ZC3H14: variants seen among roughly 807,000 people sequenced by gnomAD.
ZC3H14 encodes zinc finger CCCH domain-containing protein 14.
Under a neutral mutation model 92.4 loss-of-function variants are expected in ZC3H14, and 31 were observed. That is an observed-to-expected ratio of 0.34 (90% CI 0.25 to 0.45). The LOEUF is 0.45. ZC3H14 is among the 20% of genes least tolerant of loss of function. The probability of loss-of-function intolerance (pLI) is 1.00; values close to 1 mark genes in which losing one functional copy is unlikely to be tolerated. For missense variants in ZC3H14, 781 were observed against 897.3 expected (o/e 0.87, Z 1.66); for synonymous variants, 321 against 300.9 (o/e 1.07, Z -0.69).
At chr14:88,600,709 C>T (rs2084510206) in intron 10 of ZC3H14, among the ~76,000 whole-genome samples, 1 of 152,148 alleles carries the variant, frequency 6.6e-6, no homozygotes, top group Non-Finnish European at 1.5e-5. Flanking sequence ...GCCTTGGCCT[C>T]CCAGAATGTT....
intron 9 of ZC3H14, among the ~76,000 whole-genome samples, chr14:88,595,846 G>T (rs943027729): frequency 1.3e-5 from 2 of 152,198 alleles, no homozygotes; most frequent in African/African-American, 4.8e-5. Flanking sequence ...GGGCATCTTA[G>T]TAAGATTTCA....
Position 88,616,686 on chromosome 14 carries a change from TAGG to T in ZC3H14, c.*4938_*4940del. The T allele has an allele frequency of 6.4e-7, 1 of 1,564,052 alleles. No homozygotes were observed. ...AGTGCTGATGATAAGACATCAAAAT[TAGG>T]AGTAAACTGATAATAGTAAACAAAA... On this transcript the variant is annotated 3_prime_UTR_variant, in exon 17 of 17. Coordinates refer to ENST00000251038, the MANE Select transcript of ZC3H14 (RefSeq NM_024824.5).
chr14:88,597,584 A>C (rs1023832614), intron 10 of ZC3H14, among the ~76,000 whole-genome samples: 6 of 151,968 alleles, frequency 3.9e-5, no homozygotes, highest in African/African-American at 1.5e-4. Context: ...TTTCCTCCCT[A>C]AGGGTCAGCC....
chr14:88,620,115 T>G lies in ZC3H14; in HGVS notation c.*8364T>G, dbSNP rs1157970828. ...AGCTAAGGGAAGCCACTGTTACTAT[T>G]TTATATATTGAAGTTCTGAGGAAGG... is the stretch of plus-strand genomic sequence containing the variant. On this transcript the variant is annotated 3_prime_UTR_variant, in exon 17 of 17. Transcript: ENST00000251038. The surrounding 1 kb of genome is among the most constrained non-coding windows in gnomAD (Gnocchi z 4.3). The G allele has an allele frequency of 1.3e-5, 2 of 152,214 alleles. No individual in the cohort carries two copies. The highest frequency in any genetic ancestry group is 4.8e-5 in the African/African-American group (2 of 41,456). The allele number at this position is 152,214 out of a possible 1,614,324, so 9.4% of individuals were successfully genotyped here. A position where few individuals can be genotyped will look rare whatever the true frequency, so the allele number is the denominator to read the frequency against.
rs760967063 is a variant in ZC3H14 at position 88,616,918 on chromosome 14, T to G, written c.*5167T>G. The G allele has an allele frequency of 1.3e-6, 2 of 1,598,438 alleles. No individual in the cohort carries two copies. Among genetic ancestry groups the G allele is most frequent in the African/African-American group, 1.3e-5 (1 of 74,434 alleles). ...ACAAAAGAAAACTCATCATGGCAAG[T>G]GCGGGCAGGTTGACTATATTCAAAA... is the stretch of plus-strand genomic sequence containing the variant. On this transcript the variant is annotated 3_prime_UTR_variant, in exon 17 of 17. Coordinates refer to ENST00000251038, the MANE Select transcript of ZC3H14 (RefSeq NM_024824.5).
At chr14:88,603,362 A>G (rs1444461230) in intron 12 of ZC3H14, among the ~76,000 whole-genome samples, 2 of 152,156 alleles carry the variant, frequency 1.3e-5, no homozygotes, top group East Asian at 1.9e-4. Context: ...TTACCTTTGT[A>G]TTTTCTTCAG....
intron 9 of ZC3H14, chr14:88,594,945 A>C: frequency 6.2e-7 from 1 of 1,614,006 alleles, no homozygotes; most frequent in Non-Finnish European, 8.5e-7. Flanking sequence ...TAAATGTTAG[A>C]GTGTCCAAGA....
chr14:88,577,254 A>G (rs1475399810), intron 8 of ZC3H14, among the ~76,000 whole-genome samples: 2 of 152,172 alleles, frequency 1.3e-5, no homozygotes, highest in African/African-American at 4.8e-5. Flanking sequence ...TCATTTCCTG[A>G]TCTATCAGCA....
chr14:88,566,024 CCCCG>C (rs2079542006), intron 2 of ZC3H14, among the ~76,000 whole-genome samples: 1 of 14,000 alleles, frequency 7.1e-5, no homozygotes, highest in Non-Finnish European at 4.3e-4. Flanking sequence ...CCTGCCACCA[CCCCG>C]CCCCCCCCCC....
chr14:88,596,079 A>G (rs2083781193), intron 9 of ZC3H14, among the ~76,000 whole-genome samples: 1 of 152,234 alleles, frequency 6.6e-6, no homozygotes, highest in Non-Finnish European at 1.5e-5. Flanking sequence ...TGTTAGGAAT[A>G]GTGAACCTAA....
chr14:88,578,999 A>G (rs1446805044), intron 9 of ZC3H14, among the ~76,000 whole-genome samples: 1 of 151,998 alleles, frequency 6.6e-6, no homozygotes, highest in African/African-American at 2.4e-5. Flanking sequence ...ATGACTCTTC[A>G]GACCTTTTGT....
chr14:88,577,975 T>C lies in ZC3H14; in HGVS notation c.1124-10T>C, dbSNP rs377540593. ...TTTGTATTTCTATCTTTTTTGCTTTTATGTGAAAGTTCCACAGAAACAGAC... is the reference window on the plus strand; with the variant it reads ...TTTGTATTTCTATCTTTTTTGCTTTCATGTGAAAGTTCCACAGAAACAGAC... On this transcript the variant is annotated splice_polypyrimidine_tract_variant and intron_variant, in intron 8 of 16. Transcript: ENST00000251038. 20 of 1,613,998 alleles carry C rather than the reference T, an allele frequency of 1.2e-5. No individual in the cohort carries two copies. Among genetic ancestry groups the C allele is most frequent in the African/African-American group, 2.7e-5 (2 of 74,926 alleles).
At position 88,620,206 on chromosome 14, in the gene ZC3H14, A is replaced by G. The variant is rs1228036167; in HGVS notation, c.*8455A>G. 4 of 152,244 alleles carry G rather than the reference A, an allele frequency of 2.6e-5. No individual in the cohort carries two copies. The highest frequency in any genetic ancestry group is 5.9e-5 in the Non-Finnish European group (4 of 68,056). 9.4% of individuals were successfully genotyped at this position (152,244 alleles called of 1,614,324 possible). On this transcript the variant is annotated 3_prime_UTR_variant, in exon 17 of 17. Coordinates refer to ENST00000251038, the MANE Select transcript of ZC3H14 (RefSeq NM_024824.5). The surrounding 1 kb of genome is among the most constrained non-coding windows in gnomAD (Gnocchi z 4.3). Reference sequence around the variant, plus strand: ...GCTTTTGACAGACCTAGATTCAATAATCTTATCTACTGATCACACGGAAGT... The same window carrying G: ...GCTTTTGACAGACCTAGATTCAATAGTCTTATCTACTGATCACACGGAAGT...
rs1175992522 is a variant in ZC3H14, at chr14:88,603,024, A to G, written c.1711A>G (p.Arg571Gly). 1 of 1,614,196 alleles carries G rather than the reference A, an allele frequency of 6.2e-7. No individual in the cohort carries two copies. The highest frequency in any genetic ancestry group is 1.7e-5 in the Admixed American group (1 of 60,020). ...CCCACAGCAGTTGCACTTGCTGAGC[A>G]GGCAGCTTGAGGACCCAAATGGTAG... ...LHPQQLHLLS[R>G]QLEDPNGSFS... The change falls in exon 12 of 17, where the codon AGG becomes GGG. Residue 571 changes from arginine to glycine, a missense_variant. By Grantham distance (125) the Arg-to-Gly change is moderately radical (BLOSUM62 -2). Transcript: ENST00000251038.
At chr14:88,580,553 A>AAAAG (rs3055866) in intron 9 of ZC3H14, among the ~76,000 whole-genome samples, 142,888 of 152,008 alleles carry the variant, frequency 0.94, 67,608 homozygotes, top group Non-Finnish European at 1. Flanking sequence ...TTAAAAGTCT[A>AAAAG]AAAGGGCTCA....
chr14:88,611,038 GTTAC>G (rs1199595292), intron 16 of ZC3H14, 98 bp downstream of exon 16: 2 of 1,193,540 alleles, frequency 1.7e-6, no homozygotes, highest in Non-Finnish European at 2.4e-6. Flanking sequence ...AAACTAGACT[GTTAC>G]TTTGAATTTT....
intron 13 of ZC3H14, 60 bp from the exon 14 acceptor site, chr14:88,609,207 C>T: frequency 6.2e-7 from 1 of 1,608,128 alleles, no homozygotes; most frequent in East Asian, 2.2e-5. Context: ...CCCTTATACA[C>T]AGAACTAATA....
intron 9 of ZC3H14, chr14:88,592,303 A>G (rs2083236820): frequency 6.6e-6 from 1 of 152,142 alleles, no homozygotes; most frequent in South Asian, 2.1e-4. Flanking sequence ...GTTAAAAAAA[A>G]GTCTGTGAAT....
In ZC3H14 at chr14:88,619,735, C is replaced by T. The variant is rs12888461; in HGVS notation, c.*7984C>T. The T allele has an allele frequency of 0.076, 11,631 of 152,142 alleles. 616 individuals carry two copies. Among genetic ancestry groups the T allele is most frequent in the Non-Finnish European group, 0.12 (7,831 of 68,010 alleles). 9.4% of individuals were successfully genotyped at this position (152,142 alleles called of 1,614,324 possible). A position where few individuals can be genotyped will look rare whatever the true frequency, so the allele number is the denominator to read the frequency against. ...CGCTCTTGTCTCCCAGGCTGGAGTGCGATGGCGCAACCTCCGCCTCCCGGG... is the reference window on the plus strand; with the variant it reads ...CGCTCTTGTCTCCCAGGCTGGAGTGTGATGGCGCAACCTCCGCCTCCCGGG... On this transcript the variant is annotated 3_prime_UTR_variant, in exon 17 of 17. Coordinates refer to ENST00000251038, the MANE Select transcript of ZC3H14 (RefSeq NM_024824.5).
Sources: allele counts gnomAD v4.1 joint callset (sites outside exome capture counted in the v4.1 genomes callset), GRCh38; gene constraint gnomAD v4.1.1; non-coding constraint Gnocchi (gnomAD v3.1); transcripts MANE v1.5; gene names NCBI Gene and HGNC (gene_info 2026-07-23, HGNC 2026-07-21).